FANCI: variants seen among roughly 807,000 people sequenced by gnomAD.
FANCI encodes the protein FA complementation group I, also known as Fanconi anemia group I protein.
A neutral mutation model predicts 176.1 loss-of-function variants in FANCI; 156 were observed. The observed-to-expected ratio is 0.89, with a 90% CI of 0.78 to 1.01. The LOEUF is 1.01. Ranked by LOEUF, FANCI falls within the 50% of genes least tolerant of loss-of-function variation. FANCI has a pLI of 0.00. For missense variants in FANCI, 1,678 were observed against 1,534.1 expected, an observed-to-expected ratio of 1.09 and a Z score of -1.57; for synonymous variants, 613 against 541.7, an observed-to-expected ratio of 1.13 and a Z score of -1.83.
chr15:89,258,512 T>C (rs1193399591), intron 2 of FANCI, among the ~76,000 whole-genome samples, 192 bp from the exon 3 acceptor site: 1 of 152,234 alleles, frequency 6.6e-6, no homozygotes, highest in African/African-American at 2.4e-5. Context: ...TGAGTAAGAA[T>C]AGATTTTAGT....
intron 13 of FANCI, 122 bp downstream of exon 13, chr15:89,277,013 A>G (rs2053434004): frequency 8.5e-6 from 8 of 944,248 alleles, no homozygotes; most frequent in Admixed American, 3.6e-5. Flanking sequence ...GACAGAGGAT[A>G]TATGACAGAG....
intron 24 of FANCI, among the ~76,000 whole-genome samples, chr15:89,299,030 T>C (rs35281781): frequency 0.32 from 48,310 of 151,692 alleles, 8,738 homozygotes; most frequent in Non-Finnish European, 0.39. Context: ...AAAAATTAGC[T>C]GGGCGTGGTG....
At chr15:89,305,028 G>T (rs1291287000) in intron 28 of FANCI, 87 bp from the exon 29 acceptor site, 10 of 1,514,186 alleles carry the variant, frequency 6.6e-6, no homozygotes, top group Admixed American at 1.7e-5. Context: ...CACCCGCCTT[G>T]GCCTCCCAAA....
chr15:89,274,973 A>G (rs962477214), intron 12 of FANCI, among the ~76,000 whole-genome samples: 2 of 151,880 alleles, frequency 1.3e-5, no homozygotes, highest in African/African-American at 4.8e-5. Flanking sequence ...GGCTATTCAC[A>G]GGCTCTATTA....
intron 9 of FANCI, among the ~76,000 whole-genome samples, chr15:89,264,871 G>C (rs951074844): frequency 3.3e-5 from 5 of 152,194 alleles, no homozygotes; most frequent in Admixed American, 6.5e-5. Flanking sequence ...GCCAGGAACT[G>C]TTTAGCCTTG....
intron 34 of FANCI, among the ~76,000 whole-genome samples, chr15:89,311,420 A>G (rs548587682): frequency 2.8e-4 from 42 of 152,316 alleles, no homozygotes; most frequent in African/African-American, 9.6e-4. Context: ...CTCCACCTCA[A>G]AAAAAGATGC....
In FANCI at chr15:89,252,169, G is replaced by A. The variant is rs540922651; in HGVS notation, c.84+4438G>A. Among the ~76,000 whole-genome samples, 215 of 151,892 alleles carry A rather than the reference G, an allele frequency of 1.4e-3. 1 individual carries two copies. The highest frequency in any genetic ancestry group is 4.7e-3 in the African/African-American group (193 of 41,420). On this transcript the variant is annotated intron_variant, in intron 2 of 37. Transcript: ENST00000310775. ...ATAAAAATTAGCTGGGCGTGGTGGT[G>A]TGTGCCTGTAATCCCAGCTACTCGG...
Position 89,292,871 on chromosome 15 carries a change from G to C in FANCI, c.2169+7G>C, listed in dbSNP as rs1157411969. The C allele has an allele frequency of 1.9e-6, 3 of 1,614,036 alleles. No homozygotes were observed. Among genetic ancestry groups the C allele is most frequent in the Non-Finnish European group, 2.5e-6 (3 of 1,179,968 alleles). ...GCTGGAAGACTTTGAACTGGTAATT[G>C]CTAAGTCCTCAGCTGTATTGAATGA... On this transcript the variant is annotated splice_region_variant and intron_variant, in intron 21 of 37. Transcript: ENST00000310775.
At chr15:89,261,028 G>A (rs1468270351) in intron 4 of FANCI, among the ~76,000 whole-genome samples, 185 bp downstream of exon 4, 12 of 152,162 alleles carry the variant, frequency 7.9e-5, no homozygotes. Context: ...CACTTTGGGA[G>A]GCTGAGGTGA....
At chr15:89,296,262 C>T (rs2151777234) in intron 24 of FANCI, among the ~76,000 whole-genome samples, 1 of 59,174 alleles carries the variant, frequency 1.7e-5, no homozygotes, top group Non-Finnish European at 3.1e-5. Flanking sequence ...CTGCACCTGG[C>T]CCTTATTTTT....
intron 24 of FANCI, among the ~76,000 whole-genome samples, chr15:89,297,191 C>T (rs181855471): frequency 0.039 from 5,971 of 151,882 alleles, 365 homozygotes; most frequent in African/African-American, 0.13. Context: ...CTCCTCACAT[C>T]CCAGACGGGG....
chr15:89,281,006 T>C (rs1464250256), intron 14 of FANCI, among the ~76,000 whole-genome samples, 164 bp from the exon 15 acceptor site: 1 of 152,214 alleles, frequency 6.6e-6, no homozygotes, highest in Non-Finnish European at 1.5e-5. Flanking sequence ...CCTGGTTACA[T>C]TGGAGAAAAA....
intron 3 of FANCI, among the ~76,000 whole-genome samples, chr15:89,259,558 A>G (rs1046144834): frequency 3.9e-5 from 6 of 152,226 alleles, no homozygotes. Flanking sequence ...CTTTTAGTAT[A>G]TTCAGAGTTG....
chr15:89,314,573 T>G lies in FANCI; in HGVS notation c.3721-39T>G, dbSNP rs16943013. 3 of 1,499,508 alleles carry G rather than the reference T, an allele frequency of 2.0e-6. No individual in the cohort carries two copies. In the African/African-American group the frequency reaches 4.1e-5, roughly 21 times the overall value. 92.9% of individuals were successfully genotyped at this position (1,499,508 alleles called of 1,614,324 possible). A position where few individuals can be genotyped will look rare whatever the true frequency, so the allele number is the denominator to read the frequency against. On this transcript the variant is annotated intron_variant, in intron 35 of 37. Transcript: ENST00000310775. ...CTTCAGAGGAAAACTTCAAAAACCA[T>G]TGAACCTGAAATTTAAGTCTTATGT... is the stretch of plus-strand genomic sequence containing the variant.
intron 18 of FANCI, among the ~76,000 whole-genome samples, chr15:89,286,100 C>A (rs1455022200): frequency 6.6e-6 from 1 of 152,112 alleles, no homozygotes; most frequent in Non-Finnish European, 1.5e-5. Flanking sequence ...AAGCAGTTCT[C>A]CTGCTTCTCA....
At chr15:89,249,854 GA>G (rs1320491222) in intron 2 of FANCI, among the ~76,000 whole-genome samples, 1 of 152,064 alleles carries the variant, frequency 6.6e-6, no homozygotes, top group African/African-American at 2.4e-5. Flanking sequence ...TAAAGAGGTG[GA>G]AAATATAAAG....
chr15:89,269,621 C>A (rs2053121357), intron 10 of FANCI, among the ~76,000 whole-genome samples: 1 of 152,102 alleles, frequency 6.6e-6, no homozygotes, highest in African/African-American at 2.4e-5. Context: ...CATTTTCTTG[C>A]AAGGGCCAGA....
chr15:89,268,567 G>A (rs1025656605), intron 10 of FANCI, 42 bp downstream of exon 10: 25 of 1,612,108 alleles, frequency 1.6e-5, no homozygotes, highest in Non-Finnish European at 2.0e-5. Context: ...TCTTTTGAAT[G>A]AAAGTGTTTG....
chr15:89,244,573 ATT>A (rs1449408412), intron 1 of FANCI, among the ~76,000 whole-genome samples: 1 of 152,046 alleles, frequency 6.6e-6, no homozygotes, highest in Non-Finnish European at 1.5e-5. Flanking sequence ...TTTTAGGATG[ATT>A]TTAGCAAATG....
Sources: allele counts gnomAD v4.1 joint callset (sites outside exome capture counted in the v4.1 genomes callset), GRCh38; gene constraint gnomAD v4.1.1; transcripts MANE v1.5; gene names NCBI Gene and HGNC (gene_info 2026-07-23, HGNC 2026-07-21).